Variants in VPS13C observed in about 807,000 individuals in gnomAD.
VPS13C encodes vacuolar protein sorting 13 homolog C, also known as intermembrane lipid transfer protein VPS13C.
VPS13C carries 358 observed loss-of-function variants against 456.8 expected under a neutral mutation model. The observed-to-expected ratio is 0.78, with a 90% CI of 0.72 to 0.86. The LOEUF is 0.86. VPS13C is among the 40% of genes least tolerant of loss of function. The pLI, the probability that VPS13C is intolerant of heterozygous loss-of-function variation, is 0.00. For missense variants in VPS13C, 4,818 were observed against 4,385.4 expected (o/e 1.10, Z -2.79); for synonymous variants, 1,578 against 1,486.7 (o/e 1.06, Z -1.41).
At chr15:62,052,513 A>C (rs1453023776) in intron 1 of VPS13C, among the ~76,000 whole-genome samples, 1 of 151,968 alleles carries the variant, frequency 6.6e-6, no homozygotes, top group Non-Finnish European at 1.5e-5. Flanking sequence ...CTACTAAAAA[A>C]TACAAAAAAA....
At chr15:62,018,535 T>C (rs2047341295) in intron 9 of VPS13C, among the ~76,000 whole-genome samples, 1 of 151,932 alleles carries the variant, frequency 6.6e-6, no homozygotes, top group Non-Finnish European at 1.5e-5. Context: ...TCTGCATCTA[T>C]TGAGATAATC....
At chr15:62,020,956 T>C (rs1334600140) in intron 8 of VPS13C, among the ~76,000 whole-genome samples, 1 of 151,958 alleles carries the variant, frequency 6.6e-6, no homozygotes, top group Non-Finnish European at 1.5e-5. Flanking sequence ...TATTCAGCCA[T>C]AAAAAAGGAA....
At position 61,868,720 on chromosome 15, in the gene VPS13C, T is replaced by C. The variant is rs142737994; in HGVS notation, c.10802A>G (p.His3601Arg). The C allele has an allele frequency of 2.2e-5, 36 of 1,614,164 alleles. No homozygotes were observed. In the African/African-American group the frequency reaches 4.4e-4, roughly 20 times the overall value. The change falls in exon 81 of 85, where the codon CAT becomes CGT. Residue 3601 changes from histidine to arginine, a missense_variant. Transcript: ENST00000644861. ...ATAAGGACGAATGATGCCATCTTCA[T>C]GGATCAGGCGAGGGGGACGGAGGCT... ...VSSLRPPRLI[H>R]EDGIIRPYDR...
intron 53 of VPS13C, among the ~76,000 whole-genome samples, chr15:61,923,797 T>C (rs2043740344): frequency 6.7e-6 from 1 of 150,040 alleles, no homozygotes; most frequent in Non-Finnish European, 1.5e-5. Context: ...TTATAATTAA[T>C]GCTTCCAGTC....
chr15:61,900,367 C>G (rs1462321731), intron 66 of VPS13C, among the ~76,000 whole-genome samples: 1 of 152,296 alleles, frequency 6.6e-6, no homozygotes, highest in East Asian at 1.9e-4. Flanking sequence ...GAAAACCCCA[C>G]CGTCTCAGCC....
intron 15 of VPS13C, among the ~76,000 whole-genome samples, chr15:62,003,484 C>T (rs1039391506): frequency 6.6e-6 from 1 of 152,198 alleles, no homozygotes; most frequent in South Asian, 2.1e-4. Context: ...ATTTGACTTC[C>T]TCTTTTCCTA....
At chr15:61,920,972 C>T (rs189806985) in intron 55 of VPS13C, among the ~76,000 whole-genome samples, 2 of 152,238 alleles carry the variant, frequency 1.3e-5, no homozygotes, top group East Asian at 3.9e-4. Context: ...GACGAGCAAT[C>T]TAAGAGGACC....
At chr15:61,864,301 A>G in intron 81 of VPS13C, 1 of 839,878 alleles carries the variant, frequency 1.2e-6, no homozygotes, top group Non-Finnish European at 1.4e-6. Flanking sequence ...TAATTCAAGT[A>G]TAAGTAGTAG....
At chr15:61,874,815 AACG>A (rs1895292116) in intron 77 of VPS13C, 58 bp downstream of exon 77, 3 of 1,409,814 alleles carry the variant, frequency 2.1e-6, no homozygotes, top group African/African-American at 1.5e-5. Context: ...TTTTCATAAC[AACG>A]TATTTCATAA....
chr15:61,873,941 T>C (rs1042238721), intron 77 of VPS13C, among the ~76,000 whole-genome samples: 5 of 144,252 alleles, frequency 3.5e-5, no homozygotes, highest in African/African-American at 1.3e-4. Context: ...AACGGATGAA[T>C]GGATAAAGAA....
chr15:62,044,154 G>T, intron 2 of VPS13C, 58 bp downstream of exon 2: 1 of 1,252,040 alleles, frequency 8.0e-7, no homozygotes. Flanking sequence ...AGTAGGCAAA[G>T]GTTTCTAAGA....
At chr15:61,911,771 A>G in intron 63 of VPS13C, 69 bp downstream of exon 63, 2 of 1,377,186 alleles carry the variant, frequency 1.5e-6, no homozygotes, top group Non-Finnish European at 1.9e-6. Context: ...AGGTATATAC[A>G]ATTCTTATTT....
At chr15:61,973,320 T>C (rs1354193519) in intron 26 of VPS13C, 134 bp downstream of exon 26, 8 of 670,436 alleles carry the variant, frequency 1.2e-5, no homozygotes, top group South Asian at 2.3e-5. Flanking sequence ...GTCACACTAA[T>C]GTAGCACAAC....
intron 18 of VPS13C, 135 bp from the exon 19 acceptor site, chr15:61,985,134 C>T (rs1011823840): frequency 3.2e-6 from 2 of 626,260 alleles, no homozygotes; most frequent in East Asian, 6.9e-5. Flanking sequence ...CATCCACATG[C>T]TCACCATAAA....
intron 16 of VPS13C, 86 bp from the exon 17 acceptor site, chr15:61,991,888 CTTTTT>C: frequency 9.2e-7 from 1 of 1,085,958 alleles, no homozygotes; most frequent in Non-Finnish European, 1.3e-6. Context: ...AACAATGGTT[CTTTTT>C]TTTTTTTTAA....
chr15:61,996,815 G>A (rs554214773), intron 16 of VPS13C, among the ~76,000 whole-genome samples: 10 of 145,850 alleles, frequency 6.9e-5, no homozygotes, highest in Non-Finnish European at 1.3e-4. Flanking sequence ...CTTAGAGAGA[G>A]AAAAAAGACT....
intron 73 of VPS13C, 90 bp downstream of exon 73, chr15:61,880,519 C>T: frequency 1.3e-6 from 1 of 778,456 alleles, no homozygotes; most frequent in East Asian, 2.9e-5. Flanking sequence ...ATACATGATG[C>T]AACAAATTAA....
At chr15:61,865,851 A>AAATATAAT (rs1269391470) in intron 81 of VPS13C, 1 of 931,894 alleles carries the variant, frequency 1.1e-6, no homozygotes, top group Non-Finnish European at 1.3e-6. Context: ...CATCTCATGG[A>AAATATAAT]AATATAATAT....
intron 55 of VPS13C, among the ~76,000 whole-genome samples, 185 bp from the exon 56 acceptor site, chr15:61,920,832 A>G (rs2043630593): frequency 6.6e-6 from 1 of 152,124 alleles, no homozygotes; most frequent in African/African-American, 2.4e-5. Context: ...TTCAGGGTAT[A>G]GTCCAAGCAT....
Sources: allele counts gnomAD v4.1 joint callset (sites outside exome capture counted in the v4.1 genomes callset), GRCh38; gene constraint gnomAD v4.1.1; transcripts MANE v1.5; gene names NCBI Gene and HGNC (gene_info 2026-07-23, HGNC 2026-07-21).